XPO4: variants seen among roughly 807,000 people sequenced by gnomAD.
The protein encoded by XPO4 is exportin-4.
Under a neutral mutation model 143.0 loss-of-function variants are expected in XPO4, and 39 were observed. That is an observed-to-expected ratio of 0.27 (90% CI 0.21 to 0.36). The LOEUF (loss-of-function observed/expected upper bound fraction) is 0.36. Ranked by LOEUF, XPO4 falls within the 10% of genes least tolerant of loss-of-function variation. The pLI is 1.00. For missense variants in XPO4, 907 were observed against 1,348.0 expected (o/e 0.67, Z 5.12); for synonymous variants, 439 against 474.0 (o/e 0.93, Z 0.96).
chr13:20,870,448 A>AT (rs1262338041), intron 1 of XPO4, among the ~76,000 whole-genome samples: 2 of 150,272 alleles, frequency 1.3e-5, no homozygotes, highest in East Asian at 2.0e-4. Flanking sequence ...AAAAAAAAAA[A>AT]TTTACTAATA....
At chr13:20,851,902 A>G in intron 4 of XPO4, 3 of 985,320 alleles carry the variant, frequency 3.0e-6, no homozygotes, top group Non-Finnish European at 3.6e-6. Flanking sequence ...AAGATCAGTT[A>G]TTTCAGTGGC....
At position 20,855,949 on chromosome 13, in the gene XPO4, C is replaced by T. The variant is rs143705043; in HGVS notation, c.318-184G>A. Reference sequence around the variant, plus strand: ...GTTCAAACCCAGGCTCCATTGTGGACGGGCTGTATGACCCTGGGCAAGACA... The same window carrying T: ...GTTCAAACCCAGGCTCCATTGTGGATGGGCTGTATGACCCTGGGCAAGACA... On this transcript the variant is annotated intron_variant, in intron 3 of 22. Coordinates refer to ENST00000255305, the MANE Select transcript of XPO4 (RefSeq NM_022459.5). Among the ~76,000 whole-genome samples the T allele has an allele frequency of 1.8e-3, 268 of 152,292 alleles. 1 individual carries two copies. Among genetic ancestry groups the T allele is most frequent in the African/African-American group, 6.1e-3 (253 of 41,576 alleles).
At chr13:20,793,773 T>G (rs9509376) in intron 18 of XPO4, among the ~76,000 whole-genome samples, 56,291 of 152,136 alleles carry the variant, frequency 0.37, 12,413 homozygotes, top group Non-Finnish European at 0.5. Context: ...CATTTCACCC[T>G]TAACCAAAGA....
chr13:20,856,287 T>C (rs1455702562), intron 3 of XPO4: 8 of 973,642 alleles, frequency 8.2e-6, no homozygotes, highest in Non-Finnish European at 8.5e-6. Flanking sequence ...CTATCCGAGA[T>C]ACATCATTAT....
chr13:20,789,556 G>A (rs1472106981), intron 19 of XPO4, among the ~76,000 whole-genome samples: 5 of 150,936 alleles, frequency 3.3e-5, no homozygotes, highest in South Asian at 2.1e-4. Context: ...CACCACACCC[G>A]GCTTTTTTTT....
Position 20,819,875 on chromosome 13 carries a change from G to A in XPO4, c.1173+1829C>T, listed in dbSNP as rs565660158. Among the ~76,000 whole-genome samples, 4 of 152,194 alleles carry A rather than the reference G, an allele frequency of 2.6e-5. No homozygotes were observed. The South Asian group carries it at 6.2e-4, about 24-fold the overall frequency. On this transcript the variant is annotated intron_variant, in intron 9 of 22. Coordinates refer to ENST00000255305, the MANE Select transcript of XPO4 (RefSeq NM_022459.5). ...ACTCCCAGCATACAGAAGATACAAC[G>A]GAAACCGCTTGAGGTTGAGATGACA...
intron 12 of XPO4, 117 bp downstream of exon 12, chr13:20,808,319 G>C: frequency 8.9e-7 from 1 of 1,117,324 alleles, no homozygotes; most frequent in Non-Finnish European, 1.2e-6. Flanking sequence ...GAAAATGGCT[G>C]TATCCAAATT....
chr13:20,796,167 T>C lies in XPO4; in HGVS notation c.2706A>G (p.Thr902=). The C allele has an allele frequency of 6.2e-7, 1 of 1,613,922 alleles. No homozygotes were observed. Among genetic ancestry groups the C allele is most frequent in the Non-Finnish European group, 8.5e-7 (1 of 1,179,972 alleles). Residue 902 remains threonine (T), a synonymous_variant, in exon 18 of 23, where the codon ACA becomes ACG. Coordinates refer to ENST00000255305, the MANE Select transcript of XPO4 (RefSeq NM_022459.5). ...NNLGRQRIDV[T]AEEEQYQDLL... ...GGTCTTGGTATTGCTCTTCTTCTGC[T>C]GTAACATCTATTCTTTGCCGCCCTA...
intron 3 of XPO4, among the ~76,000 whole-genome samples, 165 bp from the exon 4 acceptor site, chr13:20,855,930 ACCCAGGCT>A (rs1225266019): frequency 6.6e-6 from 1 of 152,204 alleles, no homozygotes; most frequent in Non-Finnish European, 1.5e-5. Context: ...CTGGGTTCAA[ACCCAGGCT>A]CCATTGTGGA....
At chr13:20,790,958 T>C (rs1016143490) in intron 18 of XPO4, among the ~76,000 whole-genome samples, 9 of 152,184 alleles carry the variant, frequency 5.9e-5, no homozygotes, top group Admixed American at 2.6e-4. Flanking sequence ...ACAATTTCTA[T>C]AGAAATATCC....
Position 20,808,509 on chromosome 13 carries a change from C to T in XPO4, c.1566G>A (p.Pro522=), listed in dbSNP as rs371016094. ...QRHQQQLLAS[P]GSSTVDNKML... ...TTTTGTTGTCAACAGTGCTTGAACC[C>T]GGTGAAGCAAGTAACTGTTGCTGAT... The change falls in exon 12 of 23, where the codon CCG becomes CCA. Residue 522 remains proline, a synonymous_variant. Coordinates refer to ENST00000255305, the MANE Select transcript of XPO4 (RefSeq NM_022459.5). The T allele has an allele frequency of 8.1e-5, 127 of 1,573,404 alleles. No individual in the cohort carries two copies. Among genetic ancestry groups the T allele is most frequent in the African/African-American group, 1.9e-4 (14 of 74,576 alleles).
At chr13:20,892,772 T>TA (rs2060530363) in intron 1 of XPO4, among the ~76,000 whole-genome samples, 1 of 152,042 alleles carries the variant, frequency 6.6e-6, no homozygotes, top group African/African-American at 2.4e-5. Flanking sequence ...TGGTCCCACC[T>TA]ACTCGGGAGG....
At chr13:20,813,023 A>G (rs2059603255) in intron 9 of XPO4, among the ~76,000 whole-genome samples, 1 of 152,198 alleles carries the variant, frequency 6.6e-6, no homozygotes, top group South Asian at 2.1e-4. Context: ...CTTAACAGGA[A>G]GGATGACTGG....
chr13:20,856,712 G>T, intron 3 of XPO4: 1 of 405,536 alleles, frequency 2.5e-6, no homozygotes. Flanking sequence ...AGCCACCAGT[G>T]GCTGCTCCTC....
rs556740026 is a variant in XPO4 at position 20,783,899 on chromosome 13, G to A, written c.3279C>T (p.Val1093=). The change falls in exon 23 of 23, where the codon GTC becomes GTT. Residue 1093 remains valine, a synonymous_variant. Coordinates refer to ENST00000255305, the MANE Select transcript of XPO4 (RefSeq NM_022459.5). ...CLHQAEYSEL[V]ETLLSSQQDP... ...CTTGCTGACTTGATAGTAATGTTTC[G>A]ACCAGTTCAGAATATTCAGCCTATT... 7.4e-6 allele frequency: 12 copies of A among 1,614,030 alleles called. No homozygotes were observed. The highest frequency in any genetic ancestry group is 2.7e-5 in the African/African-American group (2 of 74,990).
At chr13:20,844,526 G>A (rs1005034111) in intron 4 of XPO4, among the ~76,000 whole-genome samples, 4 of 152,110 alleles carry the variant, frequency 2.6e-5, no homozygotes, top group Non-Finnish European at 4.4e-5. Context: ...ATGGAAAGAG[G>A]ATACAAATTA....
chr13:20,900,386 A>T (rs1881829800), intron 1 of XPO4, among the ~76,000 whole-genome samples: 1 of 152,120 alleles, frequency 6.6e-6, no homozygotes, highest in African/African-American at 2.4e-5. Flanking sequence ...TTGGTCAAAA[A>T]AAAAAGAAGA....
At chr13:20,822,560 G>A (rs1057179362) in intron 7 of XPO4, among the ~76,000 whole-genome samples, 3 of 152,234 alleles carry the variant, frequency 2.0e-5, no homozygotes, top group Non-Finnish European at 4.4e-5. Context: ...GAGAGAAACA[G>A]ATGCCAGCCA....
chr13:20,896,730 G>A (rs912524156), intron 1 of XPO4, among the ~76,000 whole-genome samples: 2 of 151,774 alleles, frequency 1.3e-5, no homozygotes, highest in African/African-American at 4.8e-5. Flanking sequence ...TTGTATTACT[G>A]TATCAGTTAG....
Sources: gnomAD v4.1 joint callset for allele counts (sites outside exome capture counted in the v4.1 genomes callset) on GRCh38, gnomAD v4.1.1 for gene constraint, MANE v1.5 for transcripts, NCBI Gene and HGNC (gene_info 2026-07-23, HGNC 2026-07-21) for gene names.